TPRG1: variants seen among roughly 807,000 people sequenced by gnomAD.
TPRG1 encodes tumor protein p63 regulated 1, also known as tumor protein p63-regulated gene 1 protein.
A neutral mutation model predicts 29.3 loss-of-function variants in TPRG1; 29 were observed. That is an observed-to-expected ratio of 0.99 (90% CI 0.74 to 1.35). TPRG1 has a LOEUF of 1.35. Among genes scored for constraint, TPRG1 ranks in the 40% most tolerant of loss-of-function variants. The probability of loss-of-function intolerance (pLI) is 0.00; values close to 1 mark genes in which losing one functional copy is unlikely to be tolerated. For missense variants in TPRG1, 327 were observed against 335.0 expected, an observed-to-expected ratio of 0.98 and a Z score of 0.19; for synonymous variants, 130 against 116.8, an observed-to-expected ratio of 1.11 and a Z score of -0.73.
At chr3:189,246,485 GATA>G (rs1741401677) in intron 4 of TPRG1, among the ~76,000 whole-genome samples, 1 of 152,066 alleles carries the variant, frequency 6.6e-6, no homozygotes, top group Admixed American at 6.6e-5. Context: ...TGACCTGCAA[GATA>G]ATGTTATAAC....
At chr3:189,082,739 A>T (rs1251787157) in intron 4 of TPRG1, among the ~76,000 whole-genome samples, 1 of 152,200 alleles carries the variant, frequency 6.6e-6, no homozygotes, top group Non-Finnish European at 1.5e-5. Context: ...TAGAACATTC[A>T]TAAATGCAGC....
Position 189,280,619 on chromosome 3 carries a change from A to T in TPRG1, c.480-29767A>T, listed in dbSNP as rs544099486. 4.6e-5 allele frequency among the ~76,000 whole-genome samples: 7 copies of T among 152,258 alleles called. No individual in the cohort carries two copies. The East Asian group carries it at 1.4e-3, about 29-fold the overall frequency. Reference sequence around the variant, plus strand: ...ACCTATGCACATGGAGGCCAACAAGAAGCTTGGGGAAGGTAAAGGGAAGGT... The same window carrying T: ...ACCTATGCACATGGAGGCCAACAAGTAGCTTGGGGAAGGTAAAGGGAAGGT... On this transcript the variant is annotated intron_variant, in intron 4 of 5. Coordinates refer to ENST00000345063, the MANE Select transcript of TPRG1 (RefSeq NM_198485.4).
intron 1 of TPRG1, among the ~76,000 whole-genome samples, chr3:189,179,426 T>A (rs1191736079): frequency 3.9e-5 from 6 of 152,204 alleles, no homozygotes; most frequent in Non-Finnish European, 8.8e-5. Context: ...CAGCCACAGA[T>A]TGTACTGAAT....
rs1714879880 is a variant in TPRG1 at position 189,044,962 on chromosome 3, G to A, written c.-463+21016G>A. On this transcript the variant is annotated intron_variant, in intron 4 of 10. Transcript: ENST00000433971. ...TTTTTGACAGTGTAATGCTTATCCT[G>A]GGTGAAGAAAATGAACTCTTTCAGC... Among the ~76,000 whole-genome samples the A allele has an allele frequency of 2.0e-5, 3 of 152,076 alleles. No homozygotes were observed. In the South Asian group the frequency reaches 6.2e-4, roughly 32 times the overall value.
At chr3:189,129,219 TCA>T (rs1312514416) in intron 2 of TPRG1, among the ~76,000 whole-genome samples, 1 of 152,216 alleles carries the variant, frequency 6.6e-6, no homozygotes, top group Non-Finnish European at 1.5e-5. Context: ...TGACAGTTTC[TCA>T]CAGTTTTTCC....
chr3:189,166,273 T>G (rs1242186774), intron 5 of TPRG1, among the ~76,000 whole-genome samples: 1 of 152,220 alleles, frequency 6.6e-6, no homozygotes, highest in Non-Finnish European at 1.5e-5. Context: ...CAAACTCAAG[T>G]TTTTGAATTG....
chr3:188,999,399 G>T lies in TPRG1; in HGVS notation c.-1015-1375G>T, dbSNP rs150742932. On this transcript the variant is annotated intron_variant, in intron 1 of 10. Coordinates refer to the TPRG1 transcript ENST00000433971. Reference sequence around the variant, plus strand: ...CCTACAATAAGAGCTACAGAAAAGAGACCATTCTGAAGTAAGCAAAGCATT... The same window carrying T: ...CCTACAATAAGAGCTACAGAAAAGATACCATTCTGAAGTAAGCAAAGCATT... Among the ~76,000 whole-genome samples the T allele has an allele frequency of 2.7e-3, 412 of 152,264 alleles. 3 individuals are homozygous for T. The highest frequency in any genetic ancestry group is 9.0e-3 in the African/African-American group (373 of 41,542).
chr3:189,264,531 CT>C (rs61222817), intron 4 of TPRG1, among the ~76,000 whole-genome samples: 10,444 of 150,724 alleles, frequency 0.069, 845 homozygotes, highest in African/African-American at 0.2. Flanking sequence ...GTTCATATTT[CT>C]TTTTTTTTCA....
At chr3:189,201,851 A>G (rs957195298) in intron 1 of TPRG1, among the ~76,000 whole-genome samples, 7 of 152,156 alleles carry the variant, frequency 4.6e-5, no homozygotes, top group Non-Finnish European at 1.5e-5. Context: ...GGGTTTCACC[A>G]TGTTGGCCAG....
intron 4 of TPRG1, among the ~76,000 whole-genome samples, chr3:189,074,745 C>T (rs765176947): frequency 6.6e-6 from 1 of 151,584 alleles, no homozygotes; most frequent in African/African-American, 2.4e-5. Flanking sequence ...ATCTTTGAAT[C>T]TTTTATGTTA....
chr3:189,172,511 T>C (rs9834801), intron 1 of TPRG1, among the ~76,000 whole-genome samples: 57,145 of 151,990 alleles, frequency 0.38, 10,797 homozygotes, highest in South Asian at 0.52. Context: ...AAGATTAGAT[T>C]TGATTCCTTC....
chr3:189,102,023 A>C (rs1719265158), intron 1 of TPRG1, among the ~76,000 whole-genome samples: 1 of 152,116 alleles, frequency 6.6e-6, no homozygotes, highest in African/African-American at 2.4e-5. Context: ...GGCTCTAGAG[A>C]GGATATTACT....
intron 4 of TPRG1, among the ~76,000 whole-genome samples, chr3:189,093,255 T>C (rs1718457560): frequency 6.6e-6 from 1 of 152,170 alleles, no homozygotes; most frequent in Admixed American, 6.5e-5. Context: ...ACTTGCACGA[T>C]AAAGAATTCA....
chr3:189,184,951 C>T (rs1040297416), intron 1 of TPRG1, among the ~76,000 whole-genome samples: 4 of 152,056 alleles, frequency 2.6e-5, no homozygotes, highest in African/African-American at 7.2e-5. Context: ...CCTTGGCGTG[C>T]GTGTATTGTT....
intron 4 of TPRG1, among the ~76,000 whole-genome samples, chr3:189,043,306 G>A (rs1714749828): frequency 2.0e-5 from 3 of 152,088 alleles, no homozygotes; most frequent in Admixed American, 6.5e-5. Flanking sequence ...CGGTTTAAAG[G>A]GTATTGCAAA....
intron 4 of TPRG1, among the ~76,000 whole-genome samples, chr3:189,294,948 A>T (rs141814226): frequency 6.6e-6 from 1 of 152,262 alleles, no homozygotes; most frequent in East Asian, 1.9e-4. Context: ...GGTGTGCTGC[A>T]CCCATTAACT....
At chr3:189,223,568 C>T (rs1737251195) in intron 3 of TPRG1, among the ~76,000 whole-genome samples, 1 of 152,172 alleles carries the variant, frequency 6.6e-6, no homozygotes. Flanking sequence ...TTGCTACAGT[C>T]ACAAATGTAC....
chr3:188,997,644 C>G (rs935844013), intron 1 of TPRG1, among the ~76,000 whole-genome samples: 2 of 152,128 alleles, frequency 1.3e-5, no homozygotes, highest in Non-Finnish European at 2.9e-5. Context: ...AAGTAATTCA[C>G]TGTCTGAGAT....
intron 5 of TPRG1, among the ~76,000 whole-genome samples, chr3:189,310,853 T>G (rs1486403021): frequency 6.6e-6 from 1 of 152,132 alleles, no homozygotes; most frequent in Non-Finnish European, 1.5e-5. Context: ...CTAATTATTT[T>G]ATTCATGGAA....
Sources: allele counts gnomAD v4.1 joint callset (sites outside exome capture counted in the v4.1 genomes callset), GRCh38; gene constraint gnomAD v4.1.1; transcripts MANE v1.5; gene names NCBI Gene and HGNC (gene_info 2026-07-23, HGNC 2026-07-21).